The following TERF2 variants were observed in gnomAD, a reference collection of about 807,000 sequenced individuals.
TERF2 encodes telomeric repeat-binding factor 2.
In TERF2, 16 loss-of-function variants were observed where a neutral mutation model predicts 56.1. The ratio of observed to expected loss-of-function variants is 0.29; its 90% confidence interval spans 0.19 to 0.43. The LOEUF (loss-of-function observed/expected upper bound fraction) is 0.43. Among genes scored for constraint, TERF2 ranks in the 20% least tolerant of loss-of-function variants. The probability of loss-of-function intolerance (pLI) is 1.00; values close to 1 mark genes in which losing one functional copy is unlikely to be tolerated. For synonymous variants in TERF2, 296 were observed against 282.1 expected, an observed-to-expected ratio of 1.05 and a Z score of -0.50; for missense variants, 547 against 712.9, an observed-to-expected ratio of 0.77 and a Z score of 2.65.
chr16:69,356,815 A>AAT lies in TERF2; in HGVS notation c.*82_*83insAT. 7.1e-7 allele frequency: 1 copy of AAT among 1,407,202 alleles called. No homozygotes were observed. The highest frequency in any genetic ancestry group is 9.5e-7 in the Non-Finnish European group (1 of 1,055,168). 87.2% of individuals were successfully genotyped at this position (1,407,202 alleles called of 1,614,324 possible). ...ACTCTGTCTCAAAAAAAAAAAAAAA[A>AAT]GAAAAAGAAAGAAAGAGCAGACTAT... On this transcript the variant is annotated 3_prime_UTR_variant, in exon 10 of 10. Coordinates refer to ENST00000254942, the MANE Select transcript of TERF2 (RefSeq NM_005652.5).
At chr16:69,369,920 G>A (rs993795050) in intron 5 of TERF2, among the ~76,000 whole-genome samples, 2 of 152,228 alleles carry the variant, frequency 1.3e-5, no homozygotes, top group Non-Finnish European at 2.9e-5. Context: ...GCAAGTGAAT[G>A]TTCTACTTCA....
chr16:69,384,711 C>CT lies in TERF2; in HGVS notation c.476-2dup, dbSNP rs1567457833. On this transcript the variant is annotated splice_acceptor_variant, in intron 2 of 9. Coordinates refer to ENST00000254942, the MANE Select transcript of TERF2 (RefSeq NM_005652.5). LOFTEE classifies it high-confidence loss of function. ...TCAGCCTCCATATCAAAGGAACAGT[C>CT]TAGGACAAAGCACAGTTTTCATTTT... The CT allele has an allele frequency of 6.3e-7, 1 of 1,598,140 alleles. No individual in the cohort carries two copies. The highest frequency in any genetic ancestry group is 8.5e-7 in the Non-Finnish European group (1 of 1,173,980).
chr16:69,367,599 G>T (rs148248124), intron 6 of TERF2, among the ~76,000 whole-genome samples: 71 of 152,174 alleles, frequency 4.7e-4, no homozygotes, highest in African/African-American at 1.5e-3. Flanking sequence ...AGAGTAAAAG[G>T]CATGCCACAC....
In TERF2 at chr16:69,356,312, A is replaced by G. The variant is rs142995123; in HGVS notation, c.*586T>C. The G allele has an allele frequency of 4.9e-6, 2 of 407,366 alleles. No individual in the cohort carries two copies. The highest frequency in any genetic ancestry group is 7.3e-5 in the East Asian group (1 of 13,632). 25.2% of individuals were successfully genotyped at this position (407,366 alleles called of 1,614,324 possible). Reference sequence around the variant, plus strand: ...ATTACCAGGGATTTAAATTTAAGCAAACCACTAAAGAAGGGAAACGCTAAT... The same window carrying G: ...ATTACCAGGGATTTAAATTTAAGCAGACCACTAAAGAAGGGAAACGCTAAT... On this transcript the variant is annotated 3_prime_UTR_variant, in exon 10 of 10. Coordinates refer to ENST00000254942, the MANE Select transcript of TERF2 (RefSeq NM_005652.5).
chr16:69,363,199 G>T (rs530023302), intron 7 of TERF2, among the ~76,000 whole-genome samples: 2 of 152,228 alleles, frequency 1.3e-5, no homozygotes, highest in African/African-American at 2.4e-5. Context: ...AATCAGATGG[G>T]GTTATAGTTT....
intron 3 of TERF2, among the ~76,000 whole-genome samples, chr16:69,382,203 T>C (rs1329193651): frequency 2.6e-5 from 4 of 152,254 alleles, no homozygotes; most frequent in Non-Finnish European, 5.9e-5. Context: ...CTGAGGGTTC[T>C]AACTTAACAA....
chr16:69,373,095 C>A (rs2013638778), intron 3 of TERF2, among the ~76,000 whole-genome samples: 2 of 152,024 alleles, frequency 1.3e-5, no homozygotes, highest in Admixed American at 1.3e-4. Context: ...ATGTGCTGAC[C>A]ACAGAGTTCT....
intron 3 of TERF2, among the ~76,000 whole-genome samples, chr16:69,382,351 T>C (rs1186113219): frequency 1.3e-5 from 2 of 152,250 alleles, no homozygotes; most frequent in East Asian, 3.8e-4. Flanking sequence ...ATTAACAGAT[T>C]CCGTGACTGT....
chr16:69,369,238 AT>A (rs2142733729), intron 5 of TERF2, among the ~76,000 whole-genome samples: 1 of 151,786 alleles, frequency 6.6e-6, no homozygotes, highest in South Asian at 2.1e-4. Context: ...CTTATAAATA[AT>A]CTGAGATTTG....
In TERF2 at chr16:69,356,545, AAT is replaced by A; in HGVS notation, c.*351_*352del. 3.8e-6 allele frequency: 1 copy of A among 264,584 alleles called. No individual in the cohort carries two copies. Among genetic ancestry groups the A allele is most frequent in the African/African-American group, 2.3e-5 (1 of 44,234 alleles). 16.4% of individuals were successfully genotyped at this position (264,584 alleles called of 1,614,324 possible). A position where few individuals can be genotyped will look rare whatever the true frequency, so the allele number is the denominator to read the frequency against. ...GCCAGGCGCGGTGGCTCATGCCTGT[AAT>A]CCCAGCACTTTGGGAGGCCGAGTTG... On this transcript the variant is annotated 3_prime_UTR_variant, in exon 10 of 10. Transcript: ENST00000254942.
At chr16:69,376,719 G>A (rs1428806016) in intron 3 of TERF2, among the ~76,000 whole-genome samples, 2 of 151,188 alleles carry the variant, frequency 1.3e-5, no homozygotes, top group Non-Finnish European at 2.9e-5. Flanking sequence ...AATTAGCCAG[G>A]CAAGGTGGCA....
Position 69,368,371 on chromosome 16 carries a change from T to C in TERF2, c.947+5A>G. 1 of 1,613,254 alleles carries C rather than the reference T, an allele frequency of 6.2e-7. No homozygotes were observed. Among genetic ancestry groups the C allele is most frequent in the Non-Finnish European group, 8.5e-7 (1 of 1,179,918 alleles). The stretch of plus-strand genomic sequence containing the variant: ...ACCCAAGATCACAAGAGAGCATCTT[T>C]TTACCTTGCGGGTTCTCTGGGTGGC... On this transcript the variant is annotated splice_donor_5th_base_variant and intron_variant, in intron 6 of 9. Coordinates refer to ENST00000254942, the MANE Select transcript of TERF2 (RefSeq NM_005652.5).
intron 4 of TERF2, 120 bp from the exon 5 acceptor site, chr16:69,370,749 C>T: frequency 1.0e-6 from 1 of 991,076 alleles, no homozygotes; most frequent in Non-Finnish European, 1.5e-6. Context: ...AAATCACTGG[C>T]ACACATACAG....
chr16:69,377,426 C>A (rs1449935429), intron 3 of TERF2, among the ~76,000 whole-genome samples: 1 of 152,022 alleles, frequency 6.6e-6, no homozygotes, highest in African/African-American at 2.4e-5. Flanking sequence ...CTCGCAGGTT[C>A]AAGAGATTCT....
intron 3 of TERF2, among the ~76,000 whole-genome samples, chr16:69,379,445 C>T (rs936719085): frequency 4.6e-5 from 7 of 152,190 alleles, no homozygotes; most frequent in African/African-American, 9.7e-5. Flanking sequence ...ACATGCTATA[C>T]GTGTTGCTAC....
chr16:69,372,438 C>T (rs751990016), intron 3 of TERF2, 83 bp from the exon 4 acceptor site: 41 of 888,134 alleles, frequency 4.6e-5, no homozygotes, highest in Non-Finnish European at 6.9e-5. Flanking sequence ...AACTCTCTCT[C>T]ACATCATATC....
rs866355974 is a variant in TERF2, at chr16:69,359,514, C to T, written c.1426+1890G>A. On this transcript the variant is annotated intron_variant, in intron 8 of 9. Transcript: ENST00000254942. ...CTGCACCCCAGCCTGGGCAACAGAG[C>T]GAGACTCTGTCTCAAAAAAAAAAAA... Among the ~76,000 whole-genome samples, 10 of 134,546 alleles carry T rather than the reference C, an allele frequency of 7.4e-5. No homozygotes were observed. In the South Asian group the frequency reaches 1.0e-3, roughly 13 times the overall value. The allele number at this position is 134,546 out of a possible 152,430, so 88.3% of individuals were successfully genotyped here. A position where few individuals can be genotyped will look rare whatever the true frequency, so the allele number is the denominator to read the frequency against.
At chr16:69,366,025 G>A (rs2013330861) in intron 7 of TERF2, 1 of 152,218 alleles carries the variant, frequency 6.6e-6, no homozygotes, top group East Asian at 1.9e-4. Context: ...CTCACAGAGT[G>A]AGGATTGTAG....
At chr16:69,384,223 A>C (rs1427862494) in intron 3 of TERF2, among the ~76,000 whole-genome samples, 1 of 152,168 alleles carries the variant, frequency 6.6e-6, no homozygotes, top group African/African-American at 2.4e-5. Flanking sequence ...CCAAGGCCCC[A>C]GTTTATCTCC....
Sources: gnomAD v4.1 joint callset for allele counts (sites outside exome capture counted in the v4.1 genomes callset) on GRCh38, gnomAD v4.1.1 for gene constraint, MANE v1.5 for transcripts, NCBI Gene and HGNC (gene_info 2026-07-23, HGNC 2026-07-21) for gene names.